Variants in UBE2E1 observed in about 807,000 individuals in gnomAD.
UBE2E1 encodes ubiquitin-conjugating enzyme E2 E1.
A neutral mutation model predicts 21.4 loss-of-function variants in UBE2E1; 6 were observed. The observed-to-expected ratio is 0.28, with a 90% CI of 0.15 to 0.55. The LOEUF (loss-of-function observed/expected upper bound fraction) is 0.55, where lower values mean the gene tolerates loss of function less well. Ranked by LOEUF, UBE2E1 falls within the 20% of genes least tolerant of loss-of-function variation. The pLI is 0.93. For missense variants in UBE2E1, 142 were observed against 236.5 expected, an observed-to-expected ratio of 0.60 and a Z score of 2.62; for synonymous variants, 87 against 82.7, an observed-to-expected ratio of 1.05 and a Z score of -0.28.
intron 3 of UBE2E1, among the ~76,000 whole-genome samples, chr3:23,847,979 TC>T: frequency 6.6e-6 from 1 of 152,188 alleles, no homozygotes. Flanking sequence ...TACACCCCTT[TC>T]CCCTACCTCC....
chr3:23,857,965 G>A (rs1454349540), intron 3 of UBE2E1, among the ~76,000 whole-genome samples: 1 of 151,930 alleles, frequency 6.6e-6, no homozygotes. Flanking sequence ...TGTCACCCAG[G>A]TTCATGCCAC....
chr3:23,807,691 A>C, intron 2 of UBE2E1: 7 of 295,776 alleles, frequency 2.4e-5, no homozygotes, highest in East Asian at 1.3e-4. Context: ...TGACCCCCAA[A>C]TCTGATTTCA....
intron 3 of UBE2E1, among the ~76,000 whole-genome samples, chr3:23,832,559 C>T (rs973032884): frequency 2.6e-5 from 4 of 151,928 alleles, no homozygotes; most frequent in South Asian, 2.1e-4. Flanking sequence ...GCAGGAGAAT[C>T]GCTTGAACCC....
intron 3 of UBE2E1, among the ~76,000 whole-genome samples, chr3:23,818,236 T>A (rs1425788071): frequency 6.6e-6 from 1 of 152,192 alleles, no homozygotes; most frequent in African/African-American, 2.4e-5. Context: ...GTTTTGTTAC[T>A]TGCTTCGTTG....
In UBE2E1 at chr3:23,813,070, C is replaced by T. The variant is rs1407382497; in HGVS notation, c.203+1560C>T. Among the ~76,000 whole-genome samples the T allele has an allele frequency of 2.6e-5, 4 of 151,770 alleles. No individual in the cohort carries two copies. In the Middle Eastern group the frequency reaches 0.01, roughly 390 times the overall value. On this transcript the variant is annotated intron_variant, in intron 3 of 5. Coordinates refer to ENST00000306627, the MANE Select transcript of UBE2E1 (RefSeq NM_003341.5). ...AGTTTATGTGTGAAAGATTTATGCT[C>T]CTGAGGCATGTGGAACTTTTTTATC...
At position 23,887,921 on chromosome 3, in the gene UBE2E1, T is replaced by G; in HGVS notation, c.336+222T>G. 1 of 566,106 alleles carries G rather than the reference T, an allele frequency of 1.8e-6. No individual in the cohort carries two copies. Among genetic ancestry groups the G allele is most frequent in the South Asian group, 2.2e-5 (1 of 45,850 alleles). 35.1% of individuals were successfully genotyped at this position (566,106 alleles called of 1,614,324 possible). A position where few individuals can be genotyped will look rare whatever the true frequency, so the allele number is the denominator to read the frequency against. On this transcript the variant is annotated intron_variant, in intron 4 of 5. Coordinates refer to ENST00000306627, the MANE Select transcript of UBE2E1 (RefSeq NM_003341.5). The surrounding 1 kb of genome is among the most constrained non-coding windows in gnomAD (Gnocchi z 4.4). ...GCTTTGTTTTGATGGTGCTTAAAAT[T>G]GTGCTATTTATAGTAATATTGTCAG...
intron 3 of UBE2E1, among the ~76,000 whole-genome samples, chr3:23,817,293 G>A (rs184968230): frequency 2.1e-4 from 32 of 151,972 alleles, no homozygotes; most frequent in African/African-American, 6.5e-4. Context: ...GTGGTGACGC[G>A]CGCCCGTAAT....
At chr3:23,819,631 A>C (rs1185333518) in intron 3 of UBE2E1, among the ~76,000 whole-genome samples, 1 of 152,222 alleles carries the variant, frequency 6.6e-6, no homozygotes. Context: ...ATATTTGTTA[A>C]AACACAAAAA....
Position 23,870,263 on chromosome 3 carries a change from C to G in UBE2E1, c.204-17304C>G, listed in dbSNP as rs1700755340. ...GACAGCTGCAGGATGAGATGGGGGG[C>G]CGGGGGGACCATAGCTCCTTTTTTT... On this transcript the variant is annotated intron_variant, in intron 3 of 5. Transcript: ENST00000306627. This position sits in a 1 kb window ranked among gnomAD's most constrained non-coding sequence, Gnocchi z 4.2. Among the ~76,000 whole-genome samples the G allele has an allele frequency of 6.6e-6, 1 of 152,012 alleles. No individual in the cohort carries two copies. Among genetic ancestry groups the G allele is most frequent in the African/African-American group, 2.4e-5 (1 of 41,382 alleles).
intron 3 of UBE2E1, among the ~76,000 whole-genome samples, chr3:23,839,262 G>A (rs1700034432): frequency 6.6e-6 from 1 of 152,148 alleles, no homozygotes; most frequent in Middle Eastern, 3.4e-3. Context: ...AGGAGATCGA[G>A]ACCATCCTGG....
rs1175079417 is a variant in UBE2E1, at chr3:23,836,869, A to G, written c.203+25359A>G. On this transcript the variant is annotated intron_variant, in intron 3 of 5. Transcript: ENST00000306627. This position sits in a 1 kb window ranked among gnomAD's most constrained non-coding sequence, Gnocchi z 4.1. The stretch of plus-strand genomic sequence containing the variant: ...CTAGTTTATGTTCTCTTTGTGCTAG[A>G]TGGTGGCATCACTCATGATGAAGAA... Among the ~76,000 whole-genome samples, 1 of 152,190 alleles carries G rather than the reference A, an allele frequency of 6.6e-6. No homozygotes were observed. Among genetic ancestry groups the G allele is most frequent in the East Asian group, 1.9e-4 (1 of 5,198 alleles).
At chr3:23,820,975 G>T (rs1488614777) in intron 3 of UBE2E1, among the ~76,000 whole-genome samples, 2 of 152,212 alleles carry the variant, frequency 1.3e-5, no homozygotes, top group African/African-American at 4.8e-5. Flanking sequence ...AAAAGTTTTA[G>T]ATGTGATGCA....
At chr3:23,879,188 A>AC in intron 3 of UBE2E1, 6 of 850,344 alleles carry the variant, frequency 7.1e-6, no homozygotes, top group Non-Finnish European at 1.1e-5. Flanking sequence ...CCATCCTTCC[A>AC]CATCTAGAGT....
Position 23,823,812 on chromosome 3 carries a change from G to A in UBE2E1, c.203+12302G>A, listed in dbSNP as rs1031081502. ...AGAGACTGGCAGTAAAGTTAGCAGC[G>A]TCATATACTACTTGCTAGTATATCA... is the stretch of plus-strand genomic sequence containing the variant. On this transcript the variant is annotated intron_variant, in intron 3 of 5. Coordinates refer to ENST00000306627, the MANE Select transcript of UBE2E1 (RefSeq NM_003341.5). The surrounding 1 kb of genome is among the most constrained non-coding windows in gnomAD (Gnocchi z 4.2). Among the ~76,000 whole-genome samples the A allele has an allele frequency of 9.2e-5, 14 of 152,146 alleles. No individual in the cohort carries two copies. The highest frequency in any genetic ancestry group is 5.2e-4 in the Admixed American group (8 of 15,274).
chr3:23,844,306 T>C (rs111535453), intron 3 of UBE2E1, among the ~76,000 whole-genome samples: 3,508 of 152,324 alleles, frequency 0.023, 110 homozygotes, highest in African/African-American at 0.078. Flanking sequence ...TTGTAAAATG[T>C]ATTTAGTGTT....
In UBE2E1 at chr3:23,842,246, T is replaced by TGTGTGTGGTG. The variant is rs759418034; in HGVS notation, c.203+30739_203+30740insTGTGGTGGTG. On this transcript the variant is annotated intron_variant, in intron 3 of 5. Transcript: ENST00000306627. The surrounding 1 kb of genome is among the most constrained non-coding windows in gnomAD (Gnocchi z 4.6). ...GTGTGTGTGTGTGTGTGTGTGTGTG[T>TGTGTGTGGTG]GTGGTGTTGTTGTTGTTGGCGACAG... 1.1e-4 allele frequency among the ~76,000 whole-genome samples: 4 copies of TGTGTGTGGTG among 36,734 alleles called. No homozygotes were observed. The highest frequency in any genetic ancestry group is 3.1e-4 in the African/African-American group (4 of 12,720). 24.1% of individuals were successfully genotyped at this position (36,734 alleles called of 152,430 possible).
chr3:23,832,560 G>T (rs920298986), intron 3 of UBE2E1, among the ~76,000 whole-genome samples: 1 of 152,134 alleles, frequency 6.6e-6, no homozygotes, highest in African/African-American at 2.4e-5. Flanking sequence ...CAGGAGAATC[G>T]CTTGAACCCG....
At position 23,887,823 on chromosome 3, in the gene UBE2E1, TA is replaced by T; in HGVS notation, c.336+125del. ...TATCTTATGTCCTAATAGATCTGAGTATTTTAACATATACAAAACACTTCTT... is the reference window on the plus strand; with the variant it reads ...TATCTTATGTCCTAATAGATCTGAGTTTTTAACATATACAAAACACTTCTT... On this transcript the variant is annotated intron_variant, in intron 4 of 5. Coordinates refer to ENST00000306627, the MANE Select transcript of UBE2E1 (RefSeq NM_003341.5). This position sits in a 1 kb window ranked among gnomAD's most constrained non-coding sequence, Gnocchi z 4.4. The T allele has an allele frequency of 7.8e-7, 1 of 1,282,354 alleles. No homozygotes were observed. Among genetic ancestry groups the T allele is most frequent in the Non-Finnish European group, 1.1e-6 (1 of 951,970 alleles). The allele number at this position is 1,282,354 out of a possible 1,614,324, so 79.4% of individuals were successfully genotyped here.
chr3:23,840,319 C>T (rs763683926), intron 3 of UBE2E1, among the ~76,000 whole-genome samples: 1 of 152,198 alleles, frequency 6.6e-6, no homozygotes, highest in Non-Finnish European at 1.5e-5. Flanking sequence ...TTTCAAGCCC[C>T]TGCACATGCG....
Sources: gnomAD v4.1 joint callset for allele counts (sites outside exome capture counted in the v4.1 genomes callset) on GRCh38, gnomAD v4.1.1 for gene constraint, Gnocchi (gnomAD v3.1) non-coding constraint, MANE v1.5 for transcripts, NCBI Gene and HGNC (gene_info 2026-07-23, HGNC 2026-07-21) for gene names.